Variants in SLC12A9 observed in about 807,000 individuals in gnomAD.
The protein encoded by SLC12A9 is solute carrier family 12 member 9, also known as CCC-interacting protein 1.
SLC12A9 carries 55 observed loss-of-function variants against 66.0 expected under a neutral mutation model. The observed-to-expected ratio is 0.83, with a 90% CI of 0.67 to 1.04. SLC12A9 has a LOEUF of 1.04. SLC12A9 is among the 50% of genes least tolerant of loss of function. The pLI is 0.00. For synonymous variants in SLC12A9, 577 were observed against 569.0 expected (o/e 1.01, Z -0.20); for missense variants, 1,061 against 1,241.9 (o/e 0.85, Z 2.19).
In SLC12A9 at chr7:100,866,409, G is replaced by A. The variant is rs1474239781; in HGVS notation, c.2549G>A (p.Gly850Glu). ...CGGGCCCAGCAGGGGCGCGGCACAG[G>A]AGGAGGGCCGGGTGGGCCGGAGGGT... ...LVRAQQGRGT[G>E]GGPGGPEGGD... The change falls in exon 14 of 14, where the codon GGA becomes GAA. Residue 850 changes from glycine (G) to glutamate (E), a missense_variant. Gly to Glu is a moderately conservative substitution (Grantham distance 98). Coordinates refer to ENST00000354161, the MANE Select transcript of SLC12A9 (RefSeq NM_020246.4). This position sits in a 1 kb window ranked among gnomAD's most constrained non-coding sequence, Gnocchi z 7.3. 4.5e-6 allele frequency: 7 copies of A among 1,542,918 alleles called. No individual in the cohort carries two copies. Among genetic ancestry groups the A allele is most frequent in the Non-Finnish European group, 6.1e-6 (7 of 1,142,952 alleles).
chr7:100,862,705 A>C lies in SLC12A9; in HGVS notation c.1736A>C (p.Gln579Pro), dbSNP rs1814833029. The C allele has an allele frequency of 6.2e-7, 1 of 1,614,114 alleles. No homozygotes were observed. The highest frequency in any genetic ancestry group is 1.1e-5 in the South Asian group (1 of 91,094). Residue 579 changes from glutamine to proline, a missense_variant, in exon 13 of 14, where the codon CAG becomes CCG. Transcript: ENST00000354161. ...GACTCCCTGCCCTCGGACCCTGTAC[A>C]GCCGCAGTATGGGGCATGGCTCAGC... ...DLDSLPSDPV[Q>P]PQYGAWLSLV...
chr7:100,866,942 G>C lies in SLC12A9; in HGVS notation c.*337G>C, dbSNP rs1366169078. On this transcript the variant is annotated 3_prime_UTR_variant, in exon 14 of 14. Transcript: ENST00000354161. This position sits in a 1 kb window ranked among gnomAD's most constrained non-coding sequence, Gnocchi z 7.3. ...TTGGCCAGACTCACCGGCCCACTGGGGTGGTGATGTTTTCGTTCTGTTTTA... is the reference window on the plus strand; with the variant it reads ...TTGGCCAGACTCACCGGCCCACTGGCGTGGTGATGTTTTCGTTCTGTTTTA... 3.1e-6 allele frequency: 1 copy of C among 321,158 alleles called. No individual in the cohort carries two copies. The highest frequency in any genetic ancestry group is 5.2e-5 in the East Asian group (1 of 19,166). The allele number at this position is 321,158 out of a possible 1,614,324, so 19.9% of individuals were successfully genotyped here.
upstream of SLC12A9, among the ~76,000 whole-genome samples, chr7:100,851,748 G>A (rs1233827468): frequency 2.4e-5 from 3 of 126,570 alleles, no homozygotes; most frequent in Admixed American, 9.8e-5. Context: ...ACGAGATCGC[G>A]CCACTGCACT....
At chr7:100,852,408 C>T (rs1301233687), upstream of SLC12A9, 1 of 152,362 alleles carries the variant, frequency 6.6e-6, no homozygotes, top group African/African-American at 2.4e-5. Context: ...GCCCACCTCC[C>T]TGCCGCTTTC....
chr7:100,836,146 T>C (rs1327204182), intron 1 of SLC12A9, among the ~76,000 whole-genome samples: 3 of 152,112 alleles, frequency 2.0e-5, no homozygotes, highest in African/African-American at 4.8e-5. Context: ...CTTCCCTGAC[T>C]ATTGTGTCCT....
chr7:100,865,654 G>A (rs751205587), intron 13 of SLC12A9, 65 bp from the exon 14 acceptor site: 19 of 1,560,378 alleles, frequency 1.2e-5, no homozygotes, highest in East Asian at 2.2e-5. Context: ...GTGTGGGAGC[G>A]TGGTGTAAAC....
chr7:100,832,060 T>C (rs1256461879), intron 1 of SLC12A9, among the ~76,000 whole-genome samples: 3 of 152,310 alleles, frequency 2.0e-5, no homozygotes, highest in East Asian at 1.9e-4. Context: ...TTATAAACAA[T>C]GATGAAACCT....
chr7:100,848,621 T>A (rs943466661), upstream of SLC12A9, among the ~76,000 whole-genome samples: 2 of 152,124 alleles, frequency 1.3e-5, no homozygotes, highest in Non-Finnish European at 2.9e-5. Flanking sequence ...GCGCAGTGGT[T>A]CACGCCTGTA....
intron 5 of SLC12A9, 72 bp downstream of exon 5, chr7:100,857,248 C>T (rs924466132): frequency 2.7e-5 from 40 of 1,497,518 alleles, no homozygotes; most frequent in South Asian, 1.9e-4. Flanking sequence ...GCCCGTAAAA[C>T]CTCTGGATGA....
chr7:100,860,951 T>C (rs1814710142), intron 9 of SLC12A9, 187 bp from the exon 10 acceptor site: 4 of 1,031,900 alleles, frequency 3.9e-6, no homozygotes, highest in Admixed American at 2.0e-5. Flanking sequence ...CTGGCACTTT[T>C]GGGGTTTAAT....
At chr7:100,847,461 T>A (rs1160819157) in intron 1 of SLC12A9, among the ~76,000 whole-genome samples, 2 of 152,180 alleles carry the variant, frequency 1.3e-5, no homozygotes, top group African/African-American at 2.4e-5. Context: ...CGGGAATGGA[T>A]GTTTACCTAA....
chr7:100,833,004 G>A (rs117751629), intron 1 of SLC12A9, among the ~76,000 whole-genome samples: 1,702 of 152,150 alleles, frequency 0.011, 20 homozygotes, highest in Non-Finnish European at 0.019. Flanking sequence ...TTGAACTCTT[G>A]AGCTCAAGTG....
chr7:100,839,074 A>G (rs1813726689), intron 1 of SLC12A9, among the ~76,000 whole-genome samples: 1 of 152,152 alleles, frequency 6.6e-6, no homozygotes. Flanking sequence ...CTGTAATCCC[A>G]GCGCTTTGGG....
upstream of SLC12A9, among the ~76,000 whole-genome samples, chr7:100,851,610 T>G (rs1426502190): frequency 6.7e-6 from 1 of 149,794 alleles, no homozygotes; most frequent in African/African-American, 2.5e-5. Flanking sequence ...CTGGGCAACA[T>G]GGCGAAACCC....
At position 100,861,976 on chromosome 7, in the gene SLC12A9, T is replaced by C; in HGVS notation, c.1711+65T>C. 1 of 1,434,202 alleles carries C rather than the reference T, an allele frequency of 7.0e-7. No individual in the cohort carries two copies. The highest frequency in any genetic ancestry group is 9.3e-7 in the Non-Finnish European group (1 of 1,074,238). 88.8% of individuals were successfully genotyped at this position (1,434,202 alleles called of 1,614,324 possible). On this transcript the variant is annotated intron_variant, in intron 12 of 13. Transcript: ENST00000354161. This position sits in a 1 kb window ranked among gnomAD's most constrained non-coding sequence, Gnocchi z 5.3. Reference sequence around the variant, plus strand: ...CTCTCCCCCTACCTTTTTTTTTTTTTTGAGATGGAGCTTCGTTCTGTTGCC... The same window carrying C: ...CTCTCCCCCTACCTTTTTTTTTTTTCTGAGATGGAGCTTCGTTCTGTTGCC...
chr7:100,843,695 CCCCATGCTG>C (rs1813836526), intron 1 of SLC12A9, among the ~76,000 whole-genome samples: 2 of 152,212 alleles, frequency 1.3e-5, no homozygotes. Context: ...TATAAAGTCC[CCCCATGCTG>C]TGGTAACTTG....
At chr7:100,836,400 C>T (rs550086089) in intron 1 of SLC12A9, among the ~76,000 whole-genome samples, 7 of 152,192 alleles carry the variant, frequency 4.6e-5, no homozygotes, top group South Asian at 2.1e-4. Context: ...GAGGAGATGA[C>T]GCAGGGCCTC....
Position 100,866,048 on chromosome 7 carries a change from A to C in SLC12A9, c.2188A>C (p.Asn730His). ...QLHHVDVWPLNLLRPRGGPGY... is the reference protein window; with the variant it reads ...QLHHVDVWPLHLLRPRGGPGY... ...GCACCATGTGGACGTGTGGCCCCTC[A>C]ACCTGCTGCGGCCCCGGGGTGGGCC... The change falls in exon 14 of 14, where the codon AAC becomes CAC. Residue 730 changes from asparagine (N) to histidine (H), a missense_variant. Coordinates refer to ENST00000354161, the MANE Select transcript of SLC12A9 (RefSeq NM_020246.4). This position sits in a 1 kb window ranked among gnomAD's most constrained non-coding sequence, Gnocchi z 7.3. 6.2e-7 allele frequency: 1 copy of C among 1,612,868 alleles called. No homozygotes were observed. The highest frequency in any genetic ancestry group is 8.5e-7 in the Non-Finnish European group (1 of 1,179,854).
chr7:100,857,719 A>G (rs1562991133), intron 5 of SLC12A9: 1 of 154,828 alleles, frequency 6.5e-6, no homozygotes, highest in Non-Finnish European at 1.4e-5. Context: ...CAGTCTGGCC[A>G]ACATGGTGAA....
Sources: allele counts gnomAD v4.1 joint callset (sites outside exome capture counted in the v4.1 genomes callset), GRCh38; gene constraint gnomAD v4.1.1; non-coding constraint Gnocchi (gnomAD v3.1); transcripts MANE v1.5; gene names NCBI Gene and HGNC (gene_info 2026-07-23, HGNC 2026-07-21).